CUX1: variants seen among roughly 807,000 people sequenced by gnomAD.
CUX1 encodes protein CASP.
CUX1 carries 31 observed loss-of-function variants against 158.8 expected under a neutral mutation model. The observed-to-expected ratio is 0.20, with a 90% CI of 0.15 to 0.26. The LOEUF (loss-of-function observed/expected upper bound fraction) is 0.26. CUX1 is among the 10% of genes least tolerant of loss of function. The pLI is 1.00. For synonymous variants in CUX1, 879 were observed against 862.1 expected, an observed-to-expected ratio of 1.02 and a Z score of -0.34; for missense variants, 1,589 against 2,014.6, an observed-to-expected ratio of 0.79 and a Z score of 4.04.
At chr7:101,894,810 G>A (rs1373047009) in intron 1 of CUX1, among the ~76,000 whole-genome samples, 2 of 152,058 alleles carry the variant, frequency 1.3e-5, no homozygotes, top group East Asian at 3.9e-4. Context: ...GCATTTTGGG[G>A]GTTCCTGAAA....
intron 1 of CUX1, among the ~76,000 whole-genome samples, chr7:101,861,146 A>C (rs1797418952): frequency 6.6e-6 from 1 of 152,124 alleles, no homozygotes; most frequent in Non-Finnish European, 1.5e-5. Flanking sequence ...GACCTGCTTT[A>C]GAACGGATCT....
intron 11 of CUX1, chr7:102,187,009 G>A (rs1164593932): frequency 6.6e-6 from 1 of 152,238 alleles, no homozygotes; most frequent in Non-Finnish European, 1.5e-5. Flanking sequence ...TCCAGCCTGG[G>A]CAACAGAGCG....
At chr7:102,118,739 TTTGTTG>T (rs199523062) in intron 8 of CUX1, among the ~76,000 whole-genome samples, 5 of 151,804 alleles carry the variant, frequency 3.3e-5, no homozygotes, top group South Asian at 2.1e-4. Context: ...CTGGGTGGTT[TTTGTTG>T]TTGTTGTTGT....
chr7:101,956,077 G>C (rs894117559), intron 2 of CUX1, among the ~76,000 whole-genome samples: 5 of 148,414 alleles, frequency 3.4e-5, no homozygotes, highest in African/African-American at 4.9e-5. Context: ...AGCTACTCGG[G>C]AGGCTGAGGC....
chr7:102,096,145 G>A lies in CUX1; in HGVS notation c.269-1219G>A, dbSNP rs139092669. ...CGCTGGCCTGGCTGCCGTGCAGCGC[G>A]CGCTGCTCTGCACTTAGTTATCATC... On this transcript the variant is annotated intron_variant, in intron 4 of 23. Coordinates refer to ENST00000292535, the MANE Select transcript of CUX1 (RefSeq NM_181552.4). Among the ~76,000 whole-genome samples, 358 of 152,362 alleles carry A rather than the reference G, an allele frequency of 2.3e-3. 6 individuals are homozygous for A. The highest frequency in any genetic ancestry group is 0.019 in the Admixed American group (291 of 15,310).
At chr7:102,030,014 CTTT>C (rs1193128464) in intron 3 of CUX1, among the ~76,000 whole-genome samples, 3 of 142,062 alleles carry the variant, frequency 2.1e-5, no homozygotes, top group Non-Finnish European at 3.1e-5. Context: ...TACCTGTATG[CTTT>C]TTTTTTTTTT....
At chr7:101,930,202 A>T (rs555531035) in intron 2 of CUX1, among the ~76,000 whole-genome samples, 28 of 152,268 alleles carry the variant, frequency 1.8e-4, no homozygotes, top group South Asian at 4.1e-4. Flanking sequence ...GATTTTTTTT[A>T]AAATTGCTTT....
intron 3 of CUX1, among the ~76,000 whole-genome samples, chr7:102,063,251 T>C (rs1410788890): frequency 6.6e-6 from 1 of 152,148 alleles, no homozygotes; most frequent in Non-Finnish European, 1.5e-5. Flanking sequence ...TGGAGAGCGC[T>C]GTTGGGTGTG....
At chr7:101,956,445 C>CT (rs1425362621) in intron 2 of CUX1, among the ~76,000 whole-genome samples, 1 of 151,956 alleles carries the variant, frequency 6.6e-6, no homozygotes, top group Non-Finnish European at 1.5e-5. Flanking sequence ...TAGTTCATGA[C>CT]TTGATGGTGA....
At chr7:101,903,504 T>G (rs906697352) in intron 1 of CUX1, among the ~76,000 whole-genome samples, 26 of 152,180 alleles carry the variant, frequency 1.7e-4, no homozygotes, top group African/African-American at 5.8e-4. Flanking sequence ...AACAGAGCAG[T>G]AAAGAATACT....
chr7:102,101,914 T>TA (rs66607293), intron 5 of CUX1, among the ~76,000 whole-genome samples: 163 of 139,490 alleles, frequency 1.2e-3, no homozygotes, highest in East Asian at 0.011. Flanking sequence ...TCTGTCTCAA[T>TA]AAAAAAAAAA....
chr7:102,210,664 C>T lies in CUX1; in HGVS notation c.3130+5494C>T, dbSNP rs548420539. Among the ~76,000 whole-genome samples the T allele has an allele frequency of 1.3e-5, 2 of 152,302 alleles. 1 individual carries two copies. The highest frequency in any genetic ancestry group is 4.8e-5 in the African/African-American group (2 of 41,562). The stretch of plus-strand genomic sequence containing the variant: ...TGAATCGTGAAATACCCAGCTCTTT[C>T]CTGGCGTGTTAGGAATGATGGGTTC... On this transcript the variant is annotated intron_variant, in intron 20 of 23. Coordinates refer to ENST00000292535, the MANE Select transcript of CUX1 (RefSeq NM_181552.4).
At chr7:102,086,612 C>T (rs557575251) in intron 4 of CUX1, among the ~76,000 whole-genome samples, 51 of 150,298 alleles carry the variant, frequency 3.4e-4, no homozygotes, top group Non-Finnish European at 6.4e-4. Context: ...TGGCTTTTTT[C>T]GTTGTTTTTT....
intron 8 of CUX1, among the ~76,000 whole-genome samples, chr7:102,132,183 CGGGTGGATAGATGGATG>C (rs1563287897): frequency 7.1e-6 from 1 of 141,762 alleles, no homozygotes; most frequent in African/African-American, 2.6e-5. Flanking sequence ...GATGGATGGG[CGGGTGGATAGATGGATG>C]GGCGGGTGGA....
chr7:101,965,497 C>A (rs949271231), intron 2 of CUX1, among the ~76,000 whole-genome samples: 1 of 152,138 alleles, frequency 6.6e-6, no homozygotes, highest in Non-Finnish European at 1.5e-5. Context: ...CCCTGTCCTG[C>A]AGTGGGGTTG....
At chr7:102,157,610 T>C (rs903989254) in intron 8 of CUX1, among the ~76,000 whole-genome samples, 5 of 152,248 alleles carry the variant, frequency 3.3e-5, no homozygotes, top group Non-Finnish European at 2.9e-5. Context: ...CAAAACCTTG[T>C]CTGTACTAAA....
At chr7:102,177,901 TTG>T (rs1792566756) in intron 10 of CUX1, among the ~76,000 whole-genome samples, 1 of 152,160 alleles carries the variant, frequency 6.6e-6, no homozygotes, top group South Asian at 2.1e-4. Context: ...CTGTTTTTTT[TTG>T]TTTTTTTGAG....
intron 2 of CUX1, among the ~76,000 whole-genome samples, chr7:102,019,037 A>G (rs1025208807): frequency 1.3e-5 from 2 of 152,102 alleles, no homozygotes; most frequent in East Asian, 3.9e-4. Context: ...TCCAGGCTCC[A>G]CCATAATCCT....
intron 3 of CUX1, among the ~76,000 whole-genome samples, chr7:102,061,741 A>G (rs1412467558): frequency 6.6e-6 from 1 of 152,160 alleles, no homozygotes; most frequent in Non-Finnish European, 1.5e-5. Context: ...TTCAAAATAC[A>G]CAGCACTTCT....
Sources: allele counts gnomAD v4.1 joint callset (sites outside exome capture counted in the v4.1 genomes callset), GRCh38; gene constraint gnomAD v4.1.1; transcripts MANE v1.5; gene names NCBI Gene and HGNC (gene_info 2026-07-23, HGNC 2026-07-21).